The following ZRANB3 variants were observed in gnomAD, a reference collection of about 807,000 sequenced individuals.
The protein encoded by ZRANB3 is DNA annealing helicase and endonuclease ZRANB3.
ZRANB3 carries 125 observed loss-of-function variants against 133.8 expected under a neutral mutation model. The observed-to-expected ratio is 0.93, with a 90% CI of 0.81 to 1.08. ZRANB3 has a LOEUF of 1.08. ZRANB3 is among the 50% of genes least tolerant of loss of function. The pLI is 0.00. For missense variants in ZRANB3, 1,229 were observed against 1,275.5 expected (o/e 0.96, Z 0.56); for synonymous variants, 387 against 432.7 (o/e 0.89, Z 1.31).
Position 135,490,313 on chromosome 2 carries a change from A to G in ZRANB3, c.161+14016T>C, listed in dbSNP as rs114581751. On this transcript the variant is annotated intron_variant, in intron 2 of 20. Coordinates refer to ENST00000264159, the MANE Select transcript of ZRANB3 (RefSeq NM_032143.4). ...TATAAGAAAACTCTATAGCAAAAAA[A>G]GAGAAATATTCCAATTAAAAAATGG... Among the ~76,000 whole-genome samples the G allele has an allele frequency of 3.0e-3, 453 of 152,362 alleles. 3 individuals carry two copies. Among genetic ancestry groups the G allele is most frequent in the African/African-American group, 0.01 (422 of 41,580 alleles).
intron 2 of ZRANB3, among the ~76,000 whole-genome samples, chr2:135,410,495 T>G (rs1312821533): frequency 7.9e-5 from 12 of 152,122 alleles, no homozygotes; most frequent in Admixed American, 7.9e-4. Context: ...TCAAGATGGT[T>G]TAAATACTTA....
At chr2:135,234,253 A>G (rs991315924) in intron 12 of ZRANB3, among the ~76,000 whole-genome samples, 10 of 152,222 alleles carry the variant, frequency 6.6e-5, no homozygotes, top group Admixed American at 1.3e-4. Context: ...ACTATCCTAA[A>G]TATATACGCA....
chr2:135,492,207 C>T (rs73956732), intron 2 of ZRANB3, among the ~76,000 whole-genome samples: 15,957 of 152,048 alleles, frequency 0.1, 1,095 homozygotes, highest in South Asian at 0.32. Flanking sequence ...CTAAATATAA[C>T]TCTAATATCA....
intron 2 of ZRANB3, among the ~76,000 whole-genome samples, chr2:135,449,316 A>G (rs182585898): frequency 2.6e-5 from 4 of 152,270 alleles, no homozygotes; most frequent in African/African-American, 4.8e-5. Flanking sequence ...AAAACAAGCA[A>G]TGGTATTTTA....
rs549630450 is a variant in ZRANB3, at chr2:135,521,315, G to A, written c.-8+9812C>T. Among the ~76,000 whole-genome samples, 11 of 152,218 alleles carry A rather than the reference G, an allele frequency of 7.2e-5. No homozygotes were observed. In the South Asian group the frequency reaches 1.5e-3, roughly 20 times the overall value. ...TGTAATCCCAGCACTTTGGGAGGCCGAGGCAGGCAGATCATGAGGTCAGGA... is the reference window on the plus strand; with the variant it reads ...TGTAATCCCAGCACTTTGGGAGGCCAAGGCAGGCAGATCATGAGGTCAGGA... On this transcript the variant is annotated intron_variant, in intron 1 of 20. Coordinates refer to ENST00000264159, the MANE Select transcript of ZRANB3 (RefSeq NM_032143.4).
chr2:135,496,123 C>G (rs1366237516), intron 2 of ZRANB3, among the ~76,000 whole-genome samples: 3 of 152,124 alleles, frequency 2.0e-5, no homozygotes, highest in African/African-American at 7.2e-5. Flanking sequence ...TGGCTCATGC[C>G]TGTAATCCCA....
chr2:135,508,727 C>A (rs1024925101), intron 1 of ZRANB3, among the ~76,000 whole-genome samples: 7 of 151,922 alleles, frequency 4.6e-5, no homozygotes, highest in African/African-American at 1.2e-4. Flanking sequence ...TTAAAATATT[C>A]TTTTCTATTT....
intron 1 of ZRANB3, among the ~76,000 whole-genome samples, chr2:135,522,912 C>T (rs918943269): frequency 2.0e-5 from 3 of 152,034 alleles, no homozygotes; most frequent in African/African-American, 7.2e-5. Flanking sequence ...CAAAGATTAC[C>T]TTGTCAAGTT....
intron 8 of ZRANB3, among the ~76,000 whole-genome samples, chr2:135,297,763 T>G (rs1474965846): frequency 6.6e-6 from 1 of 152,248 alleles, no homozygotes; most frequent in African/African-American, 2.4e-5. Flanking sequence ...TTTGAAAGCC[T>G]TGTCTTCGAT....
At chr2:135,309,684 T>C (rs764965757) in intron 8 of ZRANB3, among the ~76,000 whole-genome samples, 1 of 152,084 alleles carries the variant, frequency 6.6e-6, no homozygotes, top group Non-Finnish European at 1.5e-5. Flanking sequence ...CAAAATGTAT[T>C]AAAAAAACTA....
At chr2:135,234,122 A>G (rs1393122428) in intron 12 of ZRANB3, among the ~76,000 whole-genome samples, 1 of 152,218 alleles carries the variant, frequency 6.6e-6, no homozygotes, top group African/African-American at 2.4e-5. Context: ...ATGGAAAACA[A>G]AAAAAGGCAG....
intron 6 of ZRANB3, among the ~76,000 whole-genome samples, chr2:135,325,253 C>T (rs1683750097): frequency 6.6e-6 from 1 of 152,124 alleles, no homozygotes; most frequent in Non-Finnish European, 1.5e-5. Flanking sequence ...AAATAAAAAG[C>T]ACTGGACACC....
At position 135,491,485 on chromosome 2, in the gene ZRANB3, C is replaced by G. The variant is rs998907998; in HGVS notation, c.161+12844G>C. On this transcript the variant is annotated intron_variant, in intron 2 of 20. Transcript: ENST00000264159. The stretch of plus-strand genomic sequence containing the variant: ...TCAGCCTCCCGAGTAGCTGGGATTA[C>G]AGTAATGTGCCACTATGCCTGGCTA... Among the ~76,000 whole-genome samples the G allele has an allele frequency of 1.1e-4, 17 of 151,902 alleles. No homozygotes were observed. In the Middle Eastern group the frequency reaches 9.5e-3, roughly 85 times the overall value.
At chr2:135,249,914 G>A (rs903836141) in intron 12 of ZRANB3, among the ~76,000 whole-genome samples, 10 of 152,150 alleles carry the variant, frequency 6.6e-5, no homozygotes, top group African/African-American at 2.2e-4. Flanking sequence ...AGAGTGGGGC[G>A]TTGCTGACAA....
intron 12 of ZRANB3, among the ~76,000 whole-genome samples, chr2:135,260,422 T>C (rs1679899682): frequency 6.6e-6 from 1 of 152,066 alleles, no homozygotes; most frequent in African/African-American, 2.4e-5. Flanking sequence ...TTCACTTGAG[T>C]TGGACTTCAA....
chr2:135,289,738 A>T (rs1681589933), intron 8 of ZRANB3, among the ~76,000 whole-genome samples: 1 of 152,120 alleles, frequency 6.6e-6, no homozygotes, highest in African/African-American at 2.4e-5. Context: ...CCCCATCTCT[A>T]CTAAAAATAC....
chr2:135,434,339 A>C (rs1407833355), intron 2 of ZRANB3, among the ~76,000 whole-genome samples: 3 of 152,206 alleles, frequency 2.0e-5, no homozygotes, highest in African/African-American at 7.2e-5. Flanking sequence ...TGCCCACAAA[A>C]TGTCAATGGA....
chr2:135,271,655 T>C (rs1680519502), intron 10 of ZRANB3, 113 bp downstream of exon 10: 8 of 1,228,304 alleles, frequency 6.5e-6, no homozygotes, highest in Admixed American at 2.8e-5. Flanking sequence ...CTATTTATTA[T>C]ACAAGGCATC....
intron 12 of ZRANB3, among the ~76,000 whole-genome samples, chr2:135,253,259 C>T (rs1306536500): frequency 6.6e-6 from 1 of 152,124 alleles, no homozygotes; most frequent in Non-Finnish European, 1.5e-5. Context: ...TTGCTGTGCT[C>T]ACAGTGGAAG....
Sources: gnomAD v4.1 joint callset for allele counts (sites outside exome capture counted in the v4.1 genomes callset) on GRCh38, gnomAD v4.1.1 for gene constraint, MANE v1.5 for transcripts, NCBI Gene and HGNC (gene_info 2026-07-23, HGNC 2026-07-21) for gene names.